The following NCKAP5 variants were observed in gnomAD, a reference collection of about 807,000 sequenced individuals.
NCKAP5 encodes the protein nck-associated protein 5.
NCKAP5 carries 92 observed loss-of-function variants against 167.0 expected under a neutral mutation model. The observed-to-expected ratio is 0.55, with a 90% confidence interval of 0.47 to 0.66. The LOEUF (loss-of-function observed/expected upper bound fraction) is 0.66. NCKAP5 is among the 30% of genes least tolerant of loss of function. The pLI is 0.00. For synonymous variants in NCKAP5, 891 were observed against 877.4 expected, an observed-to-expected ratio of 1.02 and a Z score of -0.27; for missense variants, 2,378 against 2,315.0, an observed-to-expected ratio of 1.03 and a Z score of -0.56.
intron 3 of NCKAP5, among the ~76,000 whole-genome samples, chr2:133,498,264 G>A (rs1233634440): frequency 6.6e-6 from 1 of 152,134 alleles, no homozygotes; most frequent in Non-Finnish European, 1.5e-5. Flanking sequence ...GCAAACTGCT[G>A]CAAAAGGCTG....
At chr2:132,989,387 A>G (rs1489020812) in intron 7 of NCKAP5, among the ~76,000 whole-genome samples, 3 of 152,234 alleles carry the variant, frequency 2.0e-5, no homozygotes, top group Admixed American at 2.0e-4. Flanking sequence ...AACATAACAC[A>G]TATGAAATCC....
intron 19 of NCKAP5, among the ~76,000 whole-genome samples, chr2:132,725,322 A>G (rs1282380308): frequency 6.6e-6 from 1 of 152,220 alleles, no homozygotes; most frequent in Non-Finnish European, 1.5e-5. Flanking sequence ...GTATATAATT[A>G]AGAACAGTTA....
At chr2:132,863,569 G>A (rs929730777) in intron 10 of NCKAP5, among the ~76,000 whole-genome samples, 3 of 152,072 alleles carry the variant, frequency 2.0e-5, no homozygotes, top group Non-Finnish European at 4.4e-5. Flanking sequence ...TATGGTAAAA[G>A]TTCATTAGTG....
intron 2 of NCKAP5, among the ~76,000 whole-genome samples, chr2:133,521,541 C>G (rs1684473339): frequency 6.6e-6 from 1 of 152,226 alleles, no homozygotes; most frequent in African/African-American, 2.4e-5. Flanking sequence ...GTTCTGGAGG[C>G]TACAAGTCCA....
intron 16 of NCKAP5, among the ~76,000 whole-genome samples, chr2:132,756,606 A>T (rs1040015003): frequency 1.4e-4 from 21 of 151,802 alleles, no homozygotes; most frequent in South Asian, 8.3e-4. Flanking sequence ...AAGTTCTTTT[A>T]AAAAAAAATT....
the NCKAP5 span, among the ~76,000 whole-genome samples, chr2:133,609,102 G>A: frequency 6.6e-6 from 1 of 152,122 alleles, no homozygotes; most frequent in South Asian, 2.1e-4. Flanking sequence ...TTATTATAAA[G>A]TGCTATTCAC....
intron 4 of NCKAP5, 85 bp from the exon 5 acceptor site, chr2:133,213,864 C>G: frequency 7.6e-7 from 1 of 1,321,504 alleles, no homozygotes; most frequent in Non-Finnish European, 1.1e-6. Context: ...CTTTTGAGGT[C>G]TCTAGAGGAA....
At chr2:132,897,174 TGA>T (rs1693272156) in intron 8 of NCKAP5, among the ~76,000 whole-genome samples, 1 of 152,212 alleles carries the variant, frequency 6.6e-6, no homozygotes, top group Admixed American at 6.5e-5. Context: ...CTTGATTCCA[TGA>T]GAGGGTCAGC....
chr2:132,996,909 C>G (rs1462730385), intron 6 of NCKAP5, among the ~76,000 whole-genome samples: 3 of 152,204 alleles, frequency 2.0e-5, no homozygotes, highest in African/African-American at 7.2e-5. Flanking sequence ...GAACTCAATG[C>G]CCTGAACACG....
At chr2:133,525,134 G>T (rs1684769598) in intron 2 of NCKAP5, among the ~76,000 whole-genome samples, 1 of 152,162 alleles carries the variant, frequency 6.6e-6, no homozygotes, top group African/African-American at 2.4e-5. Context: ...CCCTGAAACT[G>T]ATTTAGAAGA....
intron 4 of NCKAP5, among the ~76,000 whole-genome samples, chr2:133,263,292 A>AC (rs944446368): frequency 4.6e-5 from 7 of 152,004 alleles, no homozygotes; most frequent in Non-Finnish European, 1.0e-4. Context: ...GGAAAAAAAA[A>AC]AAAAAAACTC....
intron 19 of NCKAP5, among the ~76,000 whole-genome samples, chr2:132,674,240 T>TA (rs1684130835): frequency 6.6e-6 from 1 of 152,178 alleles, no homozygotes; most frequent in Non-Finnish European, 1.5e-5. Context: ...GTGTTACCAT[T>TA]TATTAAGCAT....
At chr2:133,102,776 C>T (rs2081559621) in intron 6 of NCKAP5, among the ~76,000 whole-genome samples, 2 of 150,618 alleles carry the variant, frequency 1.3e-5, no homozygotes. Flanking sequence ...CACACACACA[C>T]ACACACACAC....
At chr2:133,450,361 A>G (rs1256354367) in intron 3 of NCKAP5, among the ~76,000 whole-genome samples, 2 of 152,164 alleles carry the variant, frequency 1.3e-5, no homozygotes, top group African/African-American at 2.4e-5. Context: ...TCCTGAACAC[A>G]GTTGTTTTCA....
chr2:133,165,781 C>A (rs544515015), intron 5 of NCKAP5, among the ~76,000 whole-genome samples: 31 of 152,264 alleles, frequency 2.0e-4, no homozygotes, highest in African/African-American at 7.5e-4. Context: ...TATTTGGCCC[C>A]TTAGATCCCC....
intron 17 of NCKAP5, among the ~76,000 whole-genome samples, chr2:132,729,605 C>T (rs1458953967): frequency 3.3e-5 from 5 of 152,206 alleles, no homozygotes; most frequent in African/African-American, 9.7e-5. Context: ...TTCTGACAAG[C>T]TCCCAGGTGA....
At chr2:133,564,134 CAA>C (rs766258899) in intron 1 of NCKAP5, among the ~76,000 whole-genome samples, 4 of 142,310 alleles carry the variant, frequency 2.8e-5, no homozygotes, top group Admixed American at 7.0e-5. Flanking sequence ...AACTCCATTT[CAA>C]AAAAAAAAAA....
intron 16 of NCKAP5, among the ~76,000 whole-genome samples, chr2:132,746,447 T>C (rs1376543194): frequency 2.0e-5 from 3 of 151,910 alleles, no homozygotes; most frequent in South Asian, 2.1e-4. Context: ...GAAGAAAATA[T>C]CGGAGTATCT....
intron 8 of NCKAP5, among the ~76,000 whole-genome samples, chr2:132,951,667 G>A (rs907375979): frequency 6.6e-5 from 10 of 152,152 alleles, no homozygotes; most frequent in African/African-American, 2.2e-4. Context: ...CAGGGTGATC[G>A]TGTTCCTGAC....
Sources: allele counts gnomAD v4.1 joint callset (sites outside exome capture counted in the v4.1 genomes callset), GRCh38; gene constraint gnomAD v4.1.1; transcripts MANE v1.5; gene names NCBI Gene and HGNC (gene_info 2026-07-23, HGNC 2026-07-21).